The following ASAP1 variants were observed in gnomAD, a reference collection of about 807,000 sequenced individuals.
ASAP1 encodes the protein arf-GAP with SH3 domain, ANK repeat and PH domain-containing protein 1.
A neutral mutation model predicts 145.2 loss-of-function variants in ASAP1; 43 were observed. That is an observed-to-expected ratio of 0.30 (90% confidence interval 0.23 to 0.38). The LOEUF (loss-of-function observed/expected upper bound fraction) is 0.38. Among genes scored for constraint, ASAP1 ranks in the 10% least tolerant of loss-of-function variants. ASAP1 has a pLI of 1.00. For synonymous variants in ASAP1, 546 were observed against 515.5 expected (o/e 1.06, Z -0.80); for missense variants, 1,018 against 1,355.3 (o/e 0.75, Z 3.91).
chr8:130,089,069 A>T (rs755906297), intron 25 of ASAP1, among the ~76,000 whole-genome samples: 1 of 152,200 alleles, frequency 6.6e-6, no homozygotes, highest in Non-Finnish European at 1.5e-5. Flanking sequence ...GTACTAGGAA[A>T]GACAGGCAAG....
At chr8:130,228,722 G>T (rs200882512) in intron 4 of ASAP1, among the ~76,000 whole-genome samples, 4 of 144,000 alleles carry the variant, frequency 2.8e-5, no homozygotes, top group Non-Finnish European at 4.6e-5. Flanking sequence ...AAAAGAAAAA[G>T]AATCTAAATA....
At chr8:130,080,608 G>A (rs1247995606) in intron 25 of ASAP1, among the ~76,000 whole-genome samples, 2 of 151,570 alleles carry the variant, frequency 1.3e-5, no homozygotes, top group Non-Finnish European at 2.9e-5. Context: ...CCAAGTAGCT[G>A]GGACTACAGG....
intron 4 of ASAP1, among the ~76,000 whole-genome samples, chr8:130,233,862 CAA>C (rs905945263): frequency 2.6e-5 from 4 of 152,170 alleles, no homozygotes; most frequent in Non-Finnish European, 5.9e-5. Context: ...ATTACATTGA[CAA>C]ATGCATAAAC....
At chr8:130,209,112 C>T (rs1384721076) in intron 5 of ASAP1, among the ~76,000 whole-genome samples, 1 of 152,078 alleles carries the variant, frequency 6.6e-6, no homozygotes, top group Non-Finnish European at 1.5e-5. Flanking sequence ...TTAATGTAGC[C>T]TATTAATACT....
chr8:130,381,625 A>G (rs1179912755), intron 2 of ASAP1, among the ~76,000 whole-genome samples: 1 of 152,142 alleles, frequency 6.6e-6, no homozygotes, highest in Non-Finnish European at 1.5e-5. Flanking sequence ...AAGCTAGAAA[A>G]GAATCACTAC....
intron 2 of ASAP1, among the ~76,000 whole-genome samples, chr8:130,372,936 G>A (rs182999777): frequency 6.6e-5 from 10 of 150,734 alleles, no homozygotes; most frequent in East Asian, 3.9e-4. Flanking sequence ...AGACACACAC[G>A]CATACACAAA....
At chr8:130,086,648 A>G (rs1344628847) in intron 25 of ASAP1, among the ~76,000 whole-genome samples, 1 of 152,188 alleles carries the variant, frequency 6.6e-6, no homozygotes, top group Admixed American at 6.5e-5. Context: ...CACAAAAAAT[A>G]CAAAAATTAG....
At chr8:130,091,865 GT>G (rs2097506193) in intron 25 of ASAP1, 107 bp downstream of exon 25, 10 of 1,203,350 alleles carry the variant, frequency 8.3e-6, no homozygotes, top group Middle Eastern at 3.0e-4. Flanking sequence ...CCCAGCATGT[GT>G]GTGCATTTTG....
chr8:130,363,247 C>T (rs1184726318), intron 2 of ASAP1, among the ~76,000 whole-genome samples: 3 of 152,090 alleles, frequency 2.0e-5, no homozygotes, highest in Non-Finnish European at 2.9e-5. Flanking sequence ...ATATTCTTGC[C>T]GGGTGCAGTG....
intron 15 of ASAP1, among the ~76,000 whole-genome samples, chr8:130,132,098 T>C (rs572387570): frequency 2.6e-5 from 4 of 152,224 alleles, no homozygotes; most frequent in African/African-American, 9.6e-5. Flanking sequence ...GGAGAAACAA[T>C]ATTCCAAGGT....
intron 4 of ASAP1, among the ~76,000 whole-genome samples, chr8:130,215,321 G>A (rs1419731843): frequency 6.6e-6 from 1 of 152,118 alleles, no homozygotes. Context: ...TGATTGACTG[G>A]GTATGGTGGC....
chr8:130,345,026 ACTCAAGC>A (rs1386345249), intron 3 of ASAP1, among the ~76,000 whole-genome samples: 1 of 152,150 alleles, frequency 6.6e-6, no homozygotes, highest in Non-Finnish European at 1.5e-5. Context: ...GCAGAACTGA[ACTCAAGC>A]CTCATCATGC....
At chr8:130,303,845 G>A (rs886762205) in intron 3 of ASAP1, among the ~76,000 whole-genome samples, 1 of 152,060 alleles carries the variant, frequency 6.6e-6, no homozygotes, top group African/African-American at 2.4e-5. Context: ...CAGTAACAGA[G>A]GATACATATC....
At chr8:130,440,023 C>A (rs576247599) in intron 1 of ASAP1, among the ~76,000 whole-genome samples, 1 of 152,280 alleles carries the variant, frequency 6.6e-6, no homozygotes, top group South Asian at 2.1e-4. Flanking sequence ...AAGCCAGAAC[C>A]CCAGGAGTCA....
At chr8:130,246,931 C>T (rs570956602) in intron 3 of ASAP1, 1 of 152,284 alleles carries the variant, frequency 6.6e-6, no homozygotes, top group East Asian at 1.9e-4. Flanking sequence ...CATTAATGTT[C>T]CAGAAATCAA....
intron 7 of ASAP1, among the ~76,000 whole-genome samples, chr8:130,183,096 T>C (rs1212241972): frequency 6.6e-6 from 1 of 152,078 alleles, no homozygotes; most frequent in Admixed American, 6.5e-5. Context: ...GAACTCAAAC[T>C]TGTAAACAGA....
intron 5 of ASAP1, among the ~76,000 whole-genome samples, chr8:130,211,773 A>G (rs1816598400): frequency 6.6e-6 from 1 of 152,206 alleles, no homozygotes; most frequent in African/African-American, 2.4e-5. Context: ...GACTTTTGGT[A>G]CTTGCTGGTT....
intron 15 of ASAP1, among the ~76,000 whole-genome samples, chr8:130,133,612 C>T (rs545422750): frequency 5.4e-4 from 82 of 151,632 alleles, no homozygotes; most frequent in Admixed American, 9.9e-4. Flanking sequence ...GCCGAGATTG[C>T]GCCACTGCAG....
chr8:130,160,707 C>G, intron 11 of ASAP1: 1 of 967,740 alleles, frequency 1.0e-6, no homozygotes, highest in Non-Finnish European at 1.4e-6. Context: ...AAATCAACAA[C>G]GTTGAACTGC....
Sources: gnomAD v4.1 joint callset for allele counts (sites outside exome capture counted in the v4.1 genomes callset) on GRCh38, gnomAD v4.1.1 for gene constraint, MANE v1.5 for transcripts, NCBI Gene and HGNC (gene_info 2026-07-23, HGNC 2026-07-21) for gene names.